ESRP1: variants seen among roughly 807,000 people sequenced by gnomAD.
ESRP1 encodes RNA-binding motif protein 35A.
Under a neutral mutation model 81.7 loss-of-function variants are expected in ESRP1, and 33 were observed. The observed-to-expected ratio is 0.40, with a 90% CI of 0.31 to 0.54. The LOEUF is 0.54. ESRP1 is among the 20% of genes least tolerant of loss of function. The probability of loss-of-function intolerance (pLI) is 0.41; values close to 1 mark genes in which losing one functional copy is unlikely to be tolerated. For synonymous variants in ESRP1, 320 were observed against 303.3 expected, an observed-to-expected ratio of 1.06 and a Z score of -0.57; for missense variants, 672 against 833.1, an observed-to-expected ratio of 0.81 and a Z score of 2.38.
At chr8:94,685,786 C>CA (rs143033408) in intron 13 of ESRP1, among the ~76,000 whole-genome samples, 2,038 of 143,120 alleles carry the variant, frequency 0.014, 41 homozygotes, top group African/African-American at 0.049. Context: ...GAGACAGTCT[C>CA]AAAAAAAAAA....
Position 94,643,329 on chromosome 8 carries a change from G to C in ESRP1, c.288G>C (p.Leu96=), listed in dbSNP as rs1817704439. The C allele has an allele frequency of 6.2e-7, 1 of 1,613,240 alleles. No individual in the cohort carries two copies. The highest frequency in any genetic ancestry group is 8.5e-7 in the Non-Finnish European group (1 of 1,179,222). Residue 96 remains leucine (L), a synonymous_variant, in exon 3 of 16, where the codon CTG becomes CTC. Transcript: ENST00000433389. The part of the protein sequence containing the change: ...RQFNQSVSNE[L]NIGVGTSFCL... ...TTAACCAGTCAGTGAGCAATGAACT[G>C]AATATTGGAGTAGGGACTTCCTTCT...
chr8:94,682,636 G>C, intron 13 of ESRP1, among the ~76,000 whole-genome samples: 1 of 89,716 alleles, frequency 1.1e-5, no homozygotes, highest in Admixed American at 1.3e-4. Context: ...CAATGTGCTG[G>C]GATTACAGGT....
intron 4 of ESRP1, among the ~76,000 whole-genome samples, chr8:94,657,904 A>G (rs926796540): frequency 2.6e-5 from 4 of 152,090 alleles, no homozygotes; most frequent in African/African-American, 9.7e-5. Flanking sequence ...ACTACTGAAC[A>G]TCACTCAATC....
At chr8:94,688,488 C>T (rs945493986) in intron 13 of ESRP1, 21 of 231,388 alleles carry the variant, frequency 9.1e-5, no homozygotes, top group Non-Finnish European at 1.7e-4. Flanking sequence ...AGAAAAGTGG[C>T]AGAATTATCT....
rs536857406 is a variant in ESRP1 at position 94,657,099 on chromosome 8, A to C, written c.491-5173A>C. Among the ~76,000 whole-genome samples, 15 of 152,334 alleles carry C rather than the reference A, an allele frequency of 9.8e-5. 1 individual carries two copies. Among genetic ancestry groups the C allele is most frequent in the African/African-American group, 3.4e-4 (14 of 41,590 alleles). On this transcript the variant is annotated intron_variant, in intron 4 of 15. Transcript: ENST00000433389. ...AGACCAAGTCTCTCTAGACTCCTCT[A>C]ACATGCATATAAAGTTTTACTTGCT... is the stretch of plus-strand genomic sequence containing the variant.
At chr8:94,667,348 G>A (rs1819080341) in intron 9 of ESRP1, among the ~76,000 whole-genome samples, 1 of 151,656 alleles carries the variant, frequency 6.6e-6, no homozygotes, top group African/African-American at 2.4e-5. Flanking sequence ...TTTATGTTGG[G>A]CAGAATGTTG....
At position 94,706,770 on chromosome 8, in the gene ESRP1, G is replaced by A; in HGVS notation, c.*881G>A. On this transcript the variant is annotated 3_prime_UTR_variant, in exon 16 of 16. Transcript: ENST00000433389. ...TTCCATAGTTTTTAATATCCCAGAA[G>A]TGAGACAATTTGAACAGTGTATTCT... 6.6e-6 allele frequency: 1 copy of A among 152,268 alleles called. No individual in the cohort carries two copies. The highest frequency in any genetic ancestry group is 6.6e-5 in the Admixed American group (1 of 15,260). 9.4% of individuals were successfully genotyped at this position (152,268 alleles called of 1,614,324 possible).
intron 14 of ESRP1, among the ~76,000 whole-genome samples, chr8:94,694,361 C>G (rs1164358150): frequency 6.6e-6 from 1 of 152,114 alleles, no homozygotes; most frequent in East Asian, 1.9e-4. Context: ...AATCCCAGCA[C>G]TTTGGGAGAC....
Position 94,671,550 on chromosome 8 carries a change from G to C in ESRP1, c.1331G>C (p.Arg444Thr). The change falls in exon 11 of 16, where the codon AGA becomes ACA. Residue 444 changes from arginine (R) to threonine (T), a missense_variant. Coordinates refer to ENST00000433389, the MANE Select transcript of ESRP1 (RefSeq NM_017697.4). ...PQQFVPPTNVRDCIRLRGLPY... is the reference protein window; with the variant it reads ...PQQFVPPTNVTDCIRLRGLPY... ...CAATTTGTGCCCCCTACAAATGTTA[G>C]AGACTGTATACGCCTTCGAGGTCTT... 1 of 1,613,894 alleles carries C rather than the reference G, an allele frequency of 6.2e-7. No individual in the cohort carries two copies. The highest frequency in any genetic ancestry group is 2.2e-5 in the East Asian group (1 of 44,884).
intron 4 of ESRP1, among the ~76,000 whole-genome samples, chr8:94,659,840 T>C (rs1818629052): frequency 6.6e-6 from 1 of 152,206 alleles, no homozygotes; most frequent in Non-Finnish European, 1.5e-5. Flanking sequence ...TGCTATGATA[T>C]GGAGAGAGTG....
intron 14 of ESRP1, among the ~76,000 whole-genome samples, chr8:94,694,686 A>G (rs539584096): frequency 6.6e-6 from 1 of 152,366 alleles, no homozygotes; most frequent in South Asian, 2.1e-4. Flanking sequence ...GTTTATGACT[A>G]AAAGATTCAC....
At chr8:94,687,093 T>G (rs56193547) in intron 13 of ESRP1, among the ~76,000 whole-genome samples, 1 of 152,106 alleles carries the variant, frequency 6.6e-6, no homozygotes, top group South Asian at 2.1e-4. Context: ...TTTAGAATAT[T>G]ATGTCACTCC....
rs1425021962 is a variant in ESRP1 at position 94,646,364 on chromosome 8, A to C, written c.490+82A>C. On this transcript the variant is annotated intron_variant, in intron 4 of 15. Transcript: ENST00000433389. Reference sequence around the variant, plus strand: ...ATTCAAGAAACTTTCAAACATTTTAAATTTTGTCAGCATATGGATAAAATT... The same window carrying C: ...ATTCAAGAAACTTTCAAACATTTTACATTTTGTCAGCATATGGATAAAATT... 1.0e-5 allele frequency: 10 copies of C among 981,378 alleles called. No homozygotes were observed. In the Admixed American group the frequency reaches 2.7e-4, roughly 26 times the overall value. The allele number at this position is 981,378 out of a possible 1,614,324, so 60.8% of individuals were successfully genotyped here. A position where few individuals can be genotyped will look rare whatever the true frequency, so the allele number is the denominator to read the frequency against.
intron 15 of ESRP1, among the ~76,000 whole-genome samples, chr8:94,701,931 A>G (rs529444716): frequency 1.3e-5 from 2 of 152,320 alleles, no homozygotes; most frequent in South Asian, 4.1e-4. Flanking sequence ...ATTAAAAGAT[A>G]GCCAGGTGTC....
At chr8:94,682,932 A>ATAT (rs1808974140) in intron 13 of ESRP1, among the ~76,000 whole-genome samples, 55 of 18,096 alleles carry the variant, frequency 3.0e-3, no homozygotes, top group African/African-American at 4.8e-3. Context: ...ATATATATAT[A>ATAT]TTTTTTTTTT....
chr8:94,682,535 T>C (rs910827342), intron 13 of ESRP1, among the ~76,000 whole-genome samples: 1 of 151,820 alleles, frequency 6.6e-6, no homozygotes, highest in African/African-American at 2.4e-5. Flanking sequence ...CTTGGCTAAT[T>C]TTTTGACTTT....
intron 4 of ESRP1, among the ~76,000 whole-genome samples, chr8:94,648,212 G>A (rs1178389793): frequency 6.6e-6 from 1 of 152,112 alleles, no homozygotes; most frequent in Non-Finnish European, 1.5e-5. Flanking sequence ...AGCTATGATT[G>A]TGCCACTACA....
chr8:94,668,104 A>C lies in ESRP1; in HGVS notation c.1087A>C (p.Thr363Pro). The C allele has an allele frequency of 6.2e-7, 1 of 1,613,936 alleles. No individual in the cohort carries two copies. Among genetic ancestry groups the C allele is most frequent in the South Asian group, 1.1e-5 (1 of 91,076 alleles). ...GGGAAAGGAAGGCATCCTCTTTGTC[A>C]CCTACCCAGATGGTAGGCCAACAGG... ...TGGKEGILFV[T>P]YPDGRPTGDA... Residue 363 changes from threonine (T) to proline (P), a missense_variant, in exon 10 of 16, where the codon ACC becomes CCC. Thr to Pro is a conservative substitution (Grantham distance 38, BLOSUM62 -1). Coordinates refer to ENST00000433389, the MANE Select transcript of ESRP1 (RefSeq NM_017697.4).
In ESRP1 at chr8:94,655,065, T is replaced by TTTTTTG. The variant is rs545869490; in HGVS notation, c.491-7206_491-7205insTTTTGT. ...GTGTCTGTGAGGTTTTTTGGGTTTT[T>TTTTTTG]TGTGTGTGTGTGTGTGTGTGTGTTT... is the stretch of plus-strand genomic sequence containing the variant. On this transcript the variant is annotated intron_variant, in intron 4 of 15. Coordinates refer to ENST00000433389, the MANE Select transcript of ESRP1 (RefSeq NM_017697.4). Among the ~76,000 whole-genome samples, 26 of 147,634 alleles carry TTTTTTG rather than the reference T, an allele frequency of 1.8e-4. No individual in the cohort carries two copies. The East Asian group carries it at 2.2e-3, about 13-fold the overall frequency.
Sources: allele counts gnomAD v4.1 joint callset (sites outside exome capture counted in the v4.1 genomes callset), GRCh38; gene constraint gnomAD v4.1.1; transcripts MANE v1.5; gene names NCBI Gene and HGNC (gene_info 2026-07-23, HGNC 2026-07-21).